The following THSD7A variants were observed in gnomAD, a reference collection of about 807,000 sequenced individuals.
THSD7A encodes thrombospondin type-1 domain-containing protein 7A.
Under a neutral mutation model 231.3 loss-of-function variants are expected in THSD7A, and 96 were observed. The ratio of observed to expected loss-of-function variants is 0.41; its 90% CI spans 0.35 to 0.49. The LOEUF (loss-of-function observed/expected upper bound fraction) is 0.49. Among genes scored for constraint, THSD7A ranks in the 20% least tolerant of loss-of-function variants. THSD7A has a pLI of 0.05. For synonymous variants in THSD7A, 940 were observed against 743.3 expected, an observed-to-expected ratio of 1.26 and a Z score of -4.30; for missense variants, 2,290 against 2,070.2, an observed-to-expected ratio of 1.11 and a Z score of -2.06.
At chr7:11,495,232 A>G (rs1349980551) in intron 6 of THSD7A, among the ~76,000 whole-genome samples, 3 of 152,086 alleles carry the variant, frequency 2.0e-5, no homozygotes, top group African/African-American at 7.2e-5. Context: ...ATTAACCTTT[A>G]TTTAAAAATA....
At chr7:11,497,933 G>T (rs1051567719) in intron 6 of THSD7A, among the ~76,000 whole-genome samples, 6 of 152,108 alleles carry the variant, frequency 3.9e-5, no homozygotes, top group Admixed American at 2.0e-4. Context: ...TTCCCCCACA[G>T]ATCTTTGCAA....
At chr7:11,708,588 T>C (rs914273414) in intron 1 of THSD7A, among the ~76,000 whole-genome samples, 93 of 150,340 alleles carry the variant, frequency 6.2e-4, no homozygotes, top group African/African-American at 2.2e-3. Flanking sequence ...TGCTGTAACA[T>C]GTAAATTTTT....
chr7:11,536,815 A>G (rs1030051244), intron 6 of THSD7A, among the ~76,000 whole-genome samples: 5 of 151,588 alleles, frequency 3.3e-5, no homozygotes, highest in African/African-American at 4.9e-5. Flanking sequence ...TATGAGTTCT[A>G]TAACTTCTCT....
At chr7:11,378,486 G>A (rs1782370069) in intron 26 of THSD7A, among the ~76,000 whole-genome samples, 1 of 152,174 alleles carries the variant, frequency 6.6e-6, no homozygotes, top group Non-Finnish European at 1.5e-5. Flanking sequence ...CTGTGAATGT[G>A]AAAACAAATT....
At chr7:11,465,608 G>A (rs1160582365) in intron 9 of THSD7A, among the ~76,000 whole-genome samples, 2 of 151,934 alleles carry the variant, frequency 1.3e-5, no homozygotes, top group Admixed American at 6.6e-5. Context: ...TGGATTGCAG[G>A]TTGAAGCAGT....
rs974415708 is a variant in THSD7A at position 11,632,904 on chromosome 7, C to T, written c.1022+3226G>A. Among the ~76,000 whole-genome samples, 2 of 152,146 alleles carry T rather than the reference C, an allele frequency of 1.3e-5. No individual in the cohort carries two copies. Among genetic ancestry groups the T allele is most frequent in the African/African-American group, 2.4e-5 (1 of 41,458 alleles). ...TCTGTTTTAATTTTTCTGGTTCTATCTTCAGGAACATCAGCGTTTCATATA... is the reference window on the plus strand; with the variant it reads ...TCTGTTTTAATTTTTCTGGTTCTATTTTCAGGAACATCAGCGTTTCATATA... On this transcript the variant is annotated intron_variant, in intron 2 of 27. Coordinates refer to ENST00000423059, the MANE Select transcript of THSD7A (RefSeq NM_015204.3). The surrounding 1 kb of genome is among the most constrained non-coding windows in gnomAD (Gnocchi z 4.1).
At chr7:11,535,808 T>C (rs780039358) in intron 6 of THSD7A, among the ~76,000 whole-genome samples, 2 of 152,188 alleles carry the variant, frequency 1.3e-5, no homozygotes, top group South Asian at 2.1e-4. Context: ...TCTAGTTCCA[T>C]AGATATTTGA....
intron 6 of THSD7A, among the ~76,000 whole-genome samples, chr7:11,507,595 ATGTG>A (rs144654684): frequency 7.4e-6 from 1 of 135,152 alleles, no homozygotes; most frequent in Admixed American, 7.4e-5. Context: ...CCATGAAATA[ATGTG>A]TGTTTTTTTT....
chr7:11,748,762 T>C (rs1023048960), intron 1 of THSD7A, among the ~76,000 whole-genome samples: 10 of 152,018 alleles, frequency 6.6e-5, no homozygotes, highest in African/African-American at 2.4e-4. Context: ...TAAAAATATT[T>C]TCTTATAAAA....
chr7:11,573,252 A>G (rs1790726748), intron 4 of THSD7A, among the ~76,000 whole-genome samples: 2 of 152,198 alleles, frequency 1.3e-5, no homozygotes, highest in Admixed American at 1.3e-4. Flanking sequence ...ACTCCAGGGT[A>G]TCACCCCACA....
intron 4 of THSD7A, among the ~76,000 whole-genome samples, chr7:11,572,456 G>C (rs12699241): frequency 0.28 from 42,535 of 151,806 alleles, 6,060 homozygotes; most frequent in African/African-American, 0.34. Context: ...CTTCATACTC[G>C]CATATGTTCA....
At chr7:11,584,483 G>A (rs899120299) in intron 4 of THSD7A, among the ~76,000 whole-genome samples, 2 of 151,816 alleles carry the variant, frequency 1.3e-5, no homozygotes, top group African/African-American at 4.8e-5. Context: ...TTGACTAGGT[G>A]TTATATAAAG....
intron 1 of THSD7A, among the ~76,000 whole-genome samples, chr7:11,742,133 C>T (rs193039682): frequency 6.6e-6 from 1 of 151,994 alleles, no homozygotes; most frequent in East Asian, 2.0e-4. Context: ...AAAGCTGAAT[C>T]TTACTACTTC....
At chr7:11,820,184 C>T (rs551306964) in intron 1 of THSD7A, 10 of 320,092 alleles carry the variant, frequency 3.1e-5, no homozygotes, top group Middle Eastern at 8.7e-4. Flanking sequence ...CGCGGTAGTA[C>T]AATCTGCATG....
intron 6 of THSD7A, 108 bp downstream of exon 6, chr7:11,541,311 T>C: frequency 9.4e-7 from 1 of 1,064,788 alleles, no homozygotes; most frequent in Non-Finnish European, 1.4e-6. Context: ...TCTACGTTTG[T>C]AAACAGAATC....
At chr7:11,449,687 G>C (rs1219902112) in intron 11 of THSD7A, among the ~76,000 whole-genome samples, 1 of 152,010 alleles carries the variant, frequency 6.6e-6, no homozygotes, top group Admixed American at 6.6e-5. Context: ...AAATCCTCGA[G>C]ATGCAGGCTA....
chr7:11,557,537 C>G (rs966699361), intron 4 of THSD7A, among the ~76,000 whole-genome samples: 3 of 152,166 alleles, frequency 2.0e-5, no homozygotes, highest in Middle Eastern at 3.4e-3. Flanking sequence ...GAAACCCAGA[C>G]ATTTTTGCCT....
intron 6 of THSD7A, among the ~76,000 whole-genome samples, chr7:11,513,939 GCACA>G (rs34548445): frequency 6.7e-6 from 1 of 149,624 alleles, no homozygotes; most frequent in Admixed American, 6.7e-5. Flanking sequence ...ACGCATAGGT[GCACA>G]CACACACACA....
In THSD7A at chr7:11,659,814, C is replaced by T. The variant is rs936622466; in HGVS notation, c.191-22853G>A. 3.3e-5 allele frequency among the ~76,000 whole-genome samples: 5 copies of T among 151,454 alleles called. 1 individual carries two copies. In the Admixed American group the frequency reaches 3.3e-4, roughly 10 times the overall value. Reference sequence around the variant, plus strand: ...GGTGAAATCTCTTCCAATGAGCACACTACCTTAATTCAATTATAATACAAA... The same window carrying T: ...GGTGAAATCTCTTCCAATGAGCACATTACCTTAATTCAATTATAATACAAA... On this transcript the variant is annotated intron_variant, in intron 1 of 27. Coordinates refer to ENST00000423059, the MANE Select transcript of THSD7A (RefSeq NM_015204.3).
Sources: allele counts gnomAD v4.1 joint callset (sites outside exome capture counted in the v4.1 genomes callset), GRCh38; gene constraint gnomAD v4.1.1; non-coding constraint Gnocchi (gnomAD v3.1); transcripts MANE v1.5; gene names NCBI Gene and HGNC (gene_info 2026-07-23, HGNC 2026-07-21).